The following POFUT3 variants were observed in gnomAD, a reference collection of about 807,000 sequenced individuals.
POFUT3 encodes the protein GDP-fucose protein O-fucosyltransferase 3.
the POFUT3 span, among the ~76,000 whole-genome samples, chr8:33,331,801 G>A: frequency 2.6e-5 from 4 of 151,700 alleles, no homozygotes; most frequent in African/African-American, 4.8e-5. Flanking sequence ...TCAGCCTCCC[G>A]AGTAGCTGGG....
chr8:33,366,377 T>A, the POFUT3 span, among the ~76,000 whole-genome samples: 10 of 152,102 alleles, frequency 6.6e-5, 1 homozygote, highest in Admixed American at 3.3e-4. Flanking sequence ...GCACGTTGTG[T>A]ACATGTACCC....
the POFUT3 span, among the ~76,000 whole-genome samples, chr8:33,392,996 CA>C: frequency 1.3e-5 from 2 of 151,422 alleles, no homozygotes; most frequent in African/African-American, 4.9e-5. Flanking sequence ...CAAAACAAAA[CA>C]AAACAAAAAA....
At chr8:33,315,558 G>C in the POFUT3 span, among the ~76,000 whole-genome samples, 1 of 152,098 alleles carries the variant, frequency 6.6e-6, no homozygotes, top group Non-Finnish European at 1.5e-5. Flanking sequence ...TGGGGGCCGT[G>C]TCCTGCCTTG....
At chr8:33,319,988 C>T in the POFUT3 span, among the ~76,000 whole-genome samples, 1 of 150,690 alleles carries the variant, frequency 6.6e-6, no homozygotes, top group African/African-American at 2.4e-5. Flanking sequence ...TACTATGTGC[C>T]AGACACTGGA....
chr8:33,422,017 A>AGAAAACAAAAACAAAAAC, the POFUT3 span, among the ~76,000 whole-genome samples: 1 of 149,220 alleles, frequency 6.7e-6, no homozygotes, highest in Non-Finnish European at 1.5e-5. Context: ...ACAACCACAC[A>AGAAAACAAAAACAAAAAC]GAAAACAAAA....
the POFUT3 span, among the ~76,000 whole-genome samples, chr8:33,314,620 G>A: frequency 1.8e-4 from 27 of 152,308 alleles, no homozygotes; most frequent in East Asian, 1.4e-3. Context: ...TACCATGTAC[G>A]TGTTAGCTTC....
At chr8:33,423,350 C>T in the POFUT3 span, among the ~76,000 whole-genome samples, 1 of 152,098 alleles carries the variant, frequency 6.6e-6, no homozygotes, top group African/African-American at 2.4e-5. Flanking sequence ...CTCACTGCAG[C>T]CTTGACCTCC....
chr8:33,448,710 G>C, the POFUT3 span, among the ~76,000 whole-genome samples: 2 of 152,088 alleles, frequency 1.3e-5, no homozygotes, highest in South Asian at 4.2e-4. Context: ...GAGGCAGGTG[G>C]ATCACTTGAG....
At chr8:33,390,202 T>TGTG in the POFUT3 span, among the ~76,000 whole-genome samples, 200 of 146,546 alleles carry the variant, frequency 1.4e-3, no homozygotes, top group African/African-American at 5.3e-3. Context: ...TGTGTGTGTG[T>TGTG]CATACACACA....
At chr8:33,373,224 C>T in the POFUT3 span, among the ~76,000 whole-genome samples, 10 of 151,976 alleles carry the variant, frequency 6.6e-5, no homozygotes, top group Non-Finnish European at 1.0e-4. Context: ...TAAGCGTATT[C>T]GAATACTCAT....
chr8:33,420,812 T>C, the POFUT3 span, among the ~76,000 whole-genome samples: 4 of 150,202 alleles, frequency 2.7e-5, no homozygotes, highest in Non-Finnish European at 4.4e-5. Flanking sequence ...ACATTCCCAA[T>C]ACAAAAAAAA....
the POFUT3 span, among the ~76,000 whole-genome samples, chr8:33,316,802 G>A: frequency 1.3e-4 from 19 of 151,584 alleles, no homozygotes; most frequent in Admixed American, 2.6e-4. Flanking sequence ...TGTGAGGCAA[G>A]GTGACACAGA....
the POFUT3 span, among the ~76,000 whole-genome samples, chr8:33,426,175 G>C: frequency 1.3e-5 from 2 of 152,130 alleles, no homozygotes; most frequent in Non-Finnish European, 2.9e-5. Flanking sequence ...AAAGTGGTGG[G>C]ATTACAGGTG....
At chr8:33,404,194 C>A in the POFUT3 span, among the ~76,000 whole-genome samples, 16 of 152,196 alleles carry the variant, frequency 1.1e-4, no homozygotes, top group Admixed American at 8.5e-4. Context: ...AAAAATTACT[C>A]AGGTGTGGTG....
the POFUT3 span, among the ~76,000 whole-genome samples, chr8:33,380,076 C>G: frequency 1.9e-5 from 1 of 52,418 alleles, no homozygotes; most frequent in East Asian, 7.5e-4. Flanking sequence ...TATATATATA[C>G]ACTATATATA....
At chr8:33,406,432 A>C in the POFUT3 span, among the ~76,000 whole-genome samples, 2 of 151,992 alleles carry the variant, frequency 1.3e-5, no homozygotes, top group African/African-American at 2.4e-5. Flanking sequence ...TATACCATTT[A>C]CTAGTATACT....
chr8:33,436,462 A>T, the POFUT3 span: 1 of 1,430,772 alleles, frequency 7.0e-7, no homozygotes, highest in Non-Finnish European at 9.8e-7. Context: ...GCCCACATGC[A>T]ACTTGGTTGA....
chr8:33,346,643 G>A, the POFUT3 span, among the ~76,000 whole-genome samples: 2 of 152,142 alleles, frequency 1.3e-5, no homozygotes, highest in African/African-American at 4.8e-5. Flanking sequence ...AGAAATCAGA[G>A]GTATAATGTT....
the POFUT3 span, among the ~76,000 whole-genome samples, chr8:33,395,342 G>A: frequency 6.6e-6 from 1 of 152,190 alleles, no homozygotes; most frequent in African/African-American, 2.4e-5. Context: ...AAAAGCAGAA[G>A]AGAAGGAGCA....
Sources: gnomAD v4.1 joint callset for allele counts (sites outside exome capture counted in the v4.1 genomes callset) on GRCh38, gnomAD v4.1.1 for gene constraint, MANE v1.5 for transcripts, NCBI Gene and HGNC (gene_info 2026-07-23, HGNC 2026-07-21) for gene names.